Variants in LAMA2 observed in about 807,000 individuals in gnomAD.
The protein encoded by LAMA2 is laminin subunit alpha-2.
Under a neutral mutation model 364.8 loss-of-function variants are expected in LAMA2, and 269 were observed. That is an observed-to-expected ratio of 0.74 (90% CI 0.67 to 0.82). LAMA2 has a LOEUF of 0.82. Ranked by LOEUF, LAMA2 falls within the 40% of genes least tolerant of loss-of-function variation. The pLI is 0.00. For missense variants in LAMA2, 3,807 were observed against 3,873.2 expected, an observed-to-expected ratio of 0.98 and a Z score of 0.45; for synonymous variants, 1,379 against 1,370.6, an observed-to-expected ratio of 1.01 and a Z score of -0.14.
At chr6:129,327,240 A>C (rs541828024) in intron 28 of LAMA2, among the ~76,000 whole-genome samples, 1 of 152,318 alleles carries the variant, frequency 6.6e-6, no homozygotes, top group South Asian at 2.1e-4. Context: ...GGTGCTAGCT[A>C]TTAAGCTAGA....
At chr6:129,271,041 CACAT>C (rs1389689896) in intron 17 of LAMA2, among the ~76,000 whole-genome samples, 1 of 152,006 alleles carries the variant, frequency 6.6e-6, no homozygotes, top group Admixed American at 6.6e-5. Flanking sequence ...TTTATACAAA[CACAT>C]ACATGTGCAT....
chr6:128,943,053 A>C, intron 1 of LAMA2, among the ~76,000 whole-genome samples: 1 of 152,270 alleles, frequency 6.6e-6, no homozygotes, highest in Non-Finnish European at 1.5e-5. Flanking sequence ...ATAAGCTATA[A>C]GCTATTTTTT....
chr6:128,927,563 A>T (rs1408590298), intron 1 of LAMA2, among the ~76,000 whole-genome samples: 1 of 152,178 alleles, frequency 6.6e-6, no homozygotes, highest in Non-Finnish European at 1.5e-5. Flanking sequence ...TTAACAGCTA[A>T]ACATTCTCCC....
intron 4 of LAMA2, among the ~76,000 whole-genome samples, chr6:129,110,203 C>A (rs1016778930): frequency 6.6e-6 from 1 of 151,748 alleles, no homozygotes; most frequent in Non-Finnish European, 1.5e-5. Context: ...TAATTCAGGT[C>A]CCAATTCTGA....
chr6:129,087,368 A>T (rs900440362), intron 3 of LAMA2, among the ~76,000 whole-genome samples: 1 of 152,182 alleles, frequency 6.6e-6, no homozygotes. Context: ...TAACATTGGG[A>T]CACACCTTTG....
Position 129,174,160 on chromosome 6 carries a change from C to T in LAMA2, c.1307-3546C>T, listed in dbSNP as rs190628543. On this transcript the variant is annotated intron_variant, in intron 9 of 64. Coordinates refer to ENST00000421865, the MANE Select transcript of LAMA2 (RefSeq NM_000426.4). ...TGTATTTCTTACATGCTTTATAATC[C>T]TAGAACTCTCATCTATCCCAAGATT... Among the ~76,000 whole-genome samples the T allele has an allele frequency of 4.9e-4, 74 of 151,958 alleles. 1 individual carries two copies. In the East Asian group the frequency reaches 0.013, roughly 27 times the overall value.
chr6:129,252,349 T>C, intron 14 of LAMA2, 54 bp downstream of exon 14: 1 of 1,382,184 alleles, frequency 7.2e-7, no homozygotes, highest in South Asian at 1.2e-5. Context: ...GGGGCCAAGG[T>C]GCAGGAGCCG....
chr6:128,954,793 G>T (rs1032970966), intron 1 of LAMA2, among the ~76,000 whole-genome samples: 5 of 151,912 alleles, frequency 3.3e-5, no homozygotes, highest in Non-Finnish European at 7.4e-5. Context: ...TTAAGGCAGA[G>T]AAGTATTCTA....
At chr6:129,184,386 T>C (rs1781108708) in intron 10 of LAMA2, among the ~76,000 whole-genome samples, 1 of 151,928 alleles carries the variant, frequency 6.6e-6, no homozygotes, top group South Asian at 2.1e-4. Context: ...AATAATATTA[T>C]GTTAGTCAAT....
intron 1 of LAMA2, among the ~76,000 whole-genome samples, chr6:128,917,677 C>T (rs1335287134): frequency 1.3e-5 from 2 of 149,826 alleles, no homozygotes; most frequent in African/African-American, 4.9e-5. Context: ...TTTATACTCT[C>T]ACCCTATTAT....
At chr6:129,212,354 C>T (rs1783156013) in intron 12 of LAMA2, among the ~76,000 whole-genome samples, 1 of 152,154 alleles carries the variant, frequency 6.6e-6, no homozygotes, top group Non-Finnish European at 1.5e-5. Flanking sequence ...ATGGTTTTCA[C>T]CCTGTGTTCT....
chr6:129,377,780 A>C (rs1233521096), intron 34 of LAMA2, among the ~76,000 whole-genome samples: 2 of 152,230 alleles, frequency 1.3e-5, no homozygotes, highest in African/African-American at 4.8e-5. Flanking sequence ...GCAGAAAATG[A>C]AACACACTGG....
intron 60 of LAMA2, 22 bp downstream of exon 60, chr6:129,503,302 G>A: frequency 1.0e-5 from 16 of 1,604,336 alleles, no homozygotes; most frequent in Non-Finnish European, 1.3e-5. Flanking sequence ...CTGGATATTG[G>A]CAGTACCCTA....
chr6:129,310,548 A>G (rs993940416), intron 22 of LAMA2, among the ~76,000 whole-genome samples: 2 of 152,186 alleles, frequency 1.3e-5, no homozygotes, highest in Non-Finnish European at 2.9e-5. Context: ...ACTCAGACAG[A>G]GAGAGGTGAT....
chr6:129,267,486 G>C (rs979141713), intron 16 of LAMA2, among the ~76,000 whole-genome samples: 4 of 152,024 alleles, frequency 2.6e-5, no homozygotes, highest in African/African-American at 9.7e-5. Flanking sequence ...CTGATTGGAA[G>C]TATAACTACC....
intron 1 of LAMA2, among the ~76,000 whole-genome samples, chr6:128,885,315 T>A (rs1776085406): frequency 6.6e-6 from 1 of 152,214 alleles, no homozygotes; most frequent in Non-Finnish European, 1.5e-5. Flanking sequence ...TAAAAATGCC[T>A]TATGTACACG....
At chr6:129,287,791 A>C in intron 18 of LAMA2, 56 bp from the exon 19 acceptor site, 1 of 1,354,376 alleles carries the variant, frequency 7.4e-7, no homozygotes, top group Non-Finnish European at 1.1e-6. Flanking sequence ...AAATATGTAA[A>C]CATTGCCCCA....
intron 35 of LAMA2, among the ~76,000 whole-genome samples, chr6:129,386,613 G>T (rs562953502): frequency 6.6e-6 from 1 of 152,052 alleles, no homozygotes; most frequent in African/African-American, 2.4e-5. Flanking sequence ...TAAGTAAAGC[G>T]CAGTGAAATA....
rs562736502 is a variant in LAMA2 at position 128,923,316 on chromosome 6, C to T, written c.112+39959C>T. Among the ~76,000 whole-genome samples the T allele has an allele frequency of 8.7e-4, 131 of 151,148 alleles. 2 individuals carry two copies. The South Asian group carries it at 0.022, about 25-fold the overall frequency. On this transcript the variant is annotated intron_variant, in intron 1 of 64. Coordinates refer to ENST00000421865, the MANE Select transcript of LAMA2 (RefSeq NM_000426.4). ...ACCTTGGGCAGTATGGCCATTTTCA[C>T]GATATTGATTCTTCCTACCCATGAG...
Sources: allele counts gnomAD v4.1 joint callset (sites outside exome capture counted in the v4.1 genomes callset), GRCh38; gene constraint gnomAD v4.1.1; transcripts MANE v1.5; gene names NCBI Gene and HGNC (gene_info 2026-07-23, HGNC 2026-07-21).